CRACDL: variants seen among roughly 807,000 people sequenced by gnomAD.
The protein encoded by CRACDL is CRACD like.
CRACDL carries 26 observed loss-of-function variants against 70.6 expected under a neutral mutation model. That is an observed-to-expected ratio of 0.37 (90% confidence interval 0.27 to 0.51). The LOEUF (loss-of-function observed/expected upper bound fraction) is 0.51. Among genes scored for constraint, CRACDL ranks in the 20% least tolerant of loss-of-function variants. The pLI is 0.94. For synonymous variants in CRACDL, 618 were observed against 615.2 expected (o/e 1.00, Z -0.07); for missense variants, 1,283 against 1,376.9 (o/e 0.93, Z 1.08).
intron 6 of CRACDL, among the ~76,000 whole-genome samples, 171 bp downstream of exon 6, chr2:98,826,804 A>T (rs923189517): frequency 1.7e-4 from 25 of 151,366 alleles, no homozygotes; most frequent in African/African-American, 6.1e-4. Flanking sequence ...GATCTGGTTT[A>T]TGTTTAAAAA....
At chr2:98,874,719 C>A in intron 1 of CRACDL, among the ~76,000 whole-genome samples, 1 of 152,184 alleles carries the variant, frequency 6.6e-6, no homozygotes, top group East Asian at 1.9e-4. Context: ...GGTCTTGGGC[C>A]AGCCCAGTAT....
intron 2 of CRACDL, among the ~76,000 whole-genome samples, chr2:98,845,028 C>T (rs1706192773): frequency 6.6e-6 from 1 of 152,130 alleles, no homozygotes; most frequent in African/African-American, 2.4e-5. Flanking sequence ...TTCTATTAGA[C>T]AGCCTACATT....
In CRACDL at chr2:98,823,196, C is replaced by A; in HGVS notation, c.1077G>T (p.Glu359Asp). ...CGTCGGGACCGGGATTCGGGGGGCC[C>A]TCCGGCGGGGACGGGGGCTCCACGC... is the stretch of plus-strand genomic sequence containing the variant. ...TLRVEPPSPPEGPPNPGPDGG... is the reference protein window; with the variant it reads ...TLRVEPPSPPDGPPNPGPDGG... Residue 359 changes from glutamate to aspartate, a missense_variant, in exon 7 of 10, where the codon GAG becomes GAT. By Grantham distance (45) the Glu-to-Asp change is conservative (BLOSUM62 2). Transcript: ENST00000397899. This position sits in a 1 kb window ranked among gnomAD's most constrained non-coding sequence, Gnocchi z 4.0. The A allele has an allele frequency of 6.9e-7, 1 of 1,459,742 alleles. No individual in the cohort carries two copies. 90.4% of individuals were successfully genotyped at this position (1,459,742 alleles called of 1,614,324 possible).
rs998389343 is a variant in CRACDL, at chr2:98,860,872, T to G, written c.-10-14062A>C. Among the ~76,000 whole-genome samples the G allele has an allele frequency of 1.4e-4, 21 of 152,226 alleles. 1 individual carries two copies. Among genetic ancestry groups the G allele is most frequent in the African/African-American group, 4.8e-4 (20 of 41,472 alleles). On this transcript the variant is annotated intron_variant, in intron 1 of 9. Coordinates refer to ENST00000397899, the MANE Select transcript of CRACDL (RefSeq NM_207362.3). ...TCATCTATCTGATACAGGATTGGTA[T>G]GCAGAACATGGAAAGAATTCTTATA...
Position 98,822,679 on chromosome 2 carries a change from C to T in CRACDL, c.1594G>A (p.Ala532Thr), listed in dbSNP as rs1438716113. ...PVEPGPGSLD[A>T]EAAAPERPKA... The stretch of plus-strand genomic sequence containing the variant: ...GGGCGCTCCGGGGCGGCGGCCTCTG[C>T]GTCGAGGGAACCGGGGCCGGGCTCC... Residue 532 changes from alanine (A) to threonine (T), a missense_variant, in exon 7 of 10, where the codon GCA becomes ACA. Ala to Thr is a moderately conservative substitution (Grantham distance 58). This residue lies in a region of CRACDL where 921 missense variants were observed against 881.9 expected (regional missense o/e 1.04). Transcript: ENST00000397899. This position sits in a 1 kb window ranked among gnomAD's most constrained non-coding sequence, Gnocchi z 4.9. 7.9e-7 allele frequency: 1 copy of T among 1,272,854 alleles called. No individual in the cohort carries two copies. 78.8% of individuals were successfully genotyped at this position (1,272,854 alleles called of 1,614,324 possible).
At chr2:98,916,907 C>G (rs531455113) in intron 1 of CRACDL, among the ~76,000 whole-genome samples, 1 of 152,238 alleles carries the variant, frequency 6.6e-6, no homozygotes, top group Non-Finnish European at 1.5e-5. Flanking sequence ...AAACCATCTC[C>G]TTTGCTAAAC....
intron 1 of CRACDL, among the ~76,000 whole-genome samples, chr2:98,930,762 TCA>T (rs1350004904): frequency 2.6e-5 from 4 of 152,188 alleles, no homozygotes; most frequent in African/African-American, 9.7e-5. Context: ...CCATCAGATC[TCA>T]GTTATGGAAG....
chr2:98,856,663 G>A (rs1486316435), intron 1 of CRACDL, among the ~76,000 whole-genome samples: 6 of 152,160 alleles, frequency 3.9e-5, no homozygotes, highest in Admixed American at 1.3e-4. Flanking sequence ...ATAATGTATA[G>A]CAATGTAGTA....
chr2:98,833,028 C>G (rs1443436340), intron 3 of CRACDL, 31 bp from the exon 4 acceptor site: 1 of 1,585,206 alleles, frequency 6.3e-7, no homozygotes, highest in Admixed American at 1.8e-5. Context: ...TGAGACTCTG[C>G]CCACCTCCAT....
chr2:98,814,931 A>G (rs1222020741), intron 7 of CRACDL, among the ~76,000 whole-genome samples: 1 of 152,128 alleles, frequency 6.6e-6, no homozygotes, highest in African/African-American at 2.4e-5. Flanking sequence ...TCATTATATA[A>G]TGTTCCATTT....
In CRACDL at chr2:98,832,240, C is replaced by T. The variant is rs1575363352; in HGVS notation, c.540+108G>A. The stretch of plus-strand genomic sequence containing the variant: ...GGCTCCAGTGACCCAGTTGGCCACA[C>T]CATGCACAGCCTGGAGATCTTAGGG... On this transcript the variant is annotated intron_variant, in intron 5 of 9. Coordinates refer to ENST00000397899, the MANE Select transcript of CRACDL (RefSeq NM_207362.3). The T allele has an allele frequency of 1.1e-5, 14 of 1,230,864 alleles. No homozygotes were observed. The East Asian group carries it at 3.0e-4, about 27-fold the overall frequency. 76.2% of individuals were successfully genotyped at this position (1,230,864 alleles called of 1,614,324 possible).
In CRACDL at chr2:98,838,236, T is replaced by C; in HGVS notation, c.122A>G (p.Lys41Arg). The change falls in exon 3 of 10, where the codon AAG becomes AGG. Residue 41 changes from lysine to arginine, a missense_variant. By Grantham distance (26) the Lys-to-Arg change is conservative. Around this residue, in one of 2 missense-constraint regions of CRACDL, gnomAD observed 362 missense variants for 495.0 expected, o/e 0.73. Coordinates refer to ENST00000397899, the MANE Select transcript of CRACDL (RefSeq NM_207362.3). ...KTFKKFFGKK[K>R]RKESPSSTGS... Reference sequence around the variant, plus strand: ...TGTGGACGACGGCGATTCTTTTCTCTTCTTCTTCCCAAAAAACTTCTTAAA... The same window carrying C: ...TGTGGACGACGGCGATTCTTTTCTCCTCTTCTTCCCAAAAAACTTCTTAAA... 8 of 1,612,896 alleles carry C rather than the reference T, an allele frequency of 5.0e-6. No homozygotes were observed. Among genetic ancestry groups the C allele is most frequent in the Non-Finnish European group, 5.9e-6 (7 of 1,179,086 alleles).
At chr2:98,800,553 G>A (rs1704031361) in intron 7 of CRACDL, among the ~76,000 whole-genome samples, 2 of 152,094 alleles carry the variant, frequency 1.3e-5, no homozygotes, top group Admixed American at 1.3e-4. Flanking sequence ...ACAAGGGCTT[G>A]GATATCTTGT....
chr2:98,898,934 C>T (rs146303988), intron 1 of CRACDL, among the ~76,000 whole-genome samples: 1 of 152,318 alleles, frequency 6.6e-6, no homozygotes, highest in African/African-American at 2.4e-5. Context: ...GGAAGACAGG[C>T]TGAAATCCAG....
chr2:98,889,285 GAGAAAGAAAGAAAGAA>G (rs55635946), intron 1 of CRACDL, among the ~76,000 whole-genome samples: 3,668 of 141,016 alleles, frequency 0.026, 71 homozygotes, highest in African/African-American at 0.048. Context: ...GAAAAAGAGA[GAGAAAGAAAGAAAGAA>G]AGAAAGAAAG....
At chr2:98,929,517 G>A (rs928145124) in intron 1 of CRACDL, among the ~76,000 whole-genome samples, 1 of 152,166 alleles carries the variant, frequency 6.6e-6, no homozygotes, top group African/African-American at 2.4e-5. Context: ...GGAGCCAGGG[G>A]AAGAAACCAT....
At chr2:98,858,822 G>A (rs1706817428) in intron 1 of CRACDL, among the ~76,000 whole-genome samples, 1 of 152,038 alleles carries the variant, frequency 6.6e-6, no homozygotes, top group South Asian at 2.1e-4. Flanking sequence ...CAACCTTACA[G>A]AAATAAAAAG....
At chr2:98,921,647 C>A (rs1708804867) in intron 1 of CRACDL, among the ~76,000 whole-genome samples, 2 of 152,236 alleles carry the variant, frequency 1.3e-5, no homozygotes, top group Admixed American at 6.5e-5. Context: ...GAAATTCCCA[C>A]ATATCCATCT....
chr2:98,930,325 CATCCCCACCCTCT>C (rs1709040365), intron 1 of CRACDL, among the ~76,000 whole-genome samples: 2 of 111,620 alleles, frequency 1.8e-5, no homozygotes, highest in African/African-American at 3.8e-5. Flanking sequence ...ACCCCATCCC[CATCCCCACCCTCT>C]GTACCGTGTC....
Sources: allele counts gnomAD v4.1 joint callset (sites outside exome capture counted in the v4.1 genomes callset), GRCh38; gene constraint gnomAD v4.1.1; regional missense constraint gnomAD v4.1.1; non-coding constraint Gnocchi (gnomAD v3.1); transcripts MANE v1.5; gene names NCBI Gene and HGNC (gene_info 2026-07-23, HGNC 2026-07-21).